PTPRB: variants seen among roughly 807,000 people sequenced by gnomAD.
PTPRB encodes the protein receptor-type tyrosine-protein phosphatase beta.
A neutral mutation model predicts 238.1 loss-of-function variants in PTPRB; 97 were observed. That is an observed-to-expected ratio of 0.41 (90% CI 0.35 to 0.48). The LOEUF is 0.48. Ranked by LOEUF, PTPRB falls within the 20% of genes least tolerant of loss-of-function variation. The pLI is 0.30. For synonymous variants in PTPRB, 970 were observed against 995.4 expected (o/e 0.97, Z 0.48); for missense variants, 2,292 against 2,681.9 (o/e 0.85, Z 3.21).
At chr12:70,630,735 C>T (rs888791375) in intron 2 of PTPRB, among the ~76,000 whole-genome samples, 2 of 152,160 alleles carry the variant, frequency 1.3e-5, no homozygotes, top group African/African-American at 4.8e-5. Context: ...TCAGCAAAGT[C>T]TCAGGATACA....
rs193037431 is a variant in PTPRB, at chr12:70,551,051, G to T, written c.5387+1726C>A. On this transcript the variant is annotated intron_variant, in intron 21 of 33. Coordinates refer to ENST00000334414, the MANE Select transcript of PTPRB (RefSeq NM_001109754.4). Reference sequence around the variant, plus strand: ...GCTGGGATTACAGGCGTGCACCACCGTGCCTGGCCAACTTTTGTGTTTTTA... The same window carrying T: ...GCTGGGATTACAGGCGTGCACCACCTTGCCTGGCCAACTTTTGTGTTTTTA... Among the ~76,000 whole-genome samples the T allele has an allele frequency of 2.7e-3, 406 of 152,002 alleles. 2 individuals carry two copies. The highest frequency in any genetic ancestry group is 9.2e-3 in the African/African-American group (380 of 41,468).
chr12:70,592,835 T>C (rs1302573171), intron 6 of PTPRB, among the ~76,000 whole-genome samples: 2 of 152,240 alleles, frequency 1.3e-5, no homozygotes, highest in Non-Finnish European at 2.9e-5. Flanking sequence ...ACTGGGCCAT[T>C]AGTCAGCTGG....
intron 4 of PTPRB, among the ~76,000 whole-genome samples, chr12:70,605,233 CT>C (rs1427028164): frequency 4.6e-5 from 7 of 152,180 alleles, no homozygotes; most frequent in African/African-American, 1.7e-4. Context: ...TCCCTGGGCT[CT>C]GTAATCTACC....
chr12:70,612,955 C>A (rs1884524747), intron 3 of PTPRB, among the ~76,000 whole-genome samples: 1 of 152,068 alleles, frequency 6.6e-6, no homozygotes, highest in Non-Finnish European at 1.5e-5. Flanking sequence ...CCACTGCACT[C>A]CAGCCTCGGC....
At chr12:70,601,008 C>T (rs985217897) in intron 4 of PTPRB, among the ~76,000 whole-genome samples, 25 of 152,098 alleles carry the variant, frequency 1.6e-4, no homozygotes, top group Non-Finnish European at 1.2e-4. Flanking sequence ...GCTGGGATTA[C>T]AGGCGCCTGC....
chr12:70,611,283 CTATT>C lies in PTPRB; in HGVS notation c.709-1948_709-1945del, dbSNP rs555158055. Among the ~76,000 whole-genome samples, 26 of 152,076 alleles carry C rather than the reference CTATT, an allele frequency of 1.7e-4. 1 individual carries two copies. In the East Asian group the frequency reaches 4.1e-3, roughly 24 times the overall value. On this transcript the variant is annotated intron_variant, in intron 3 of 33. Coordinates refer to ENST00000334414, the MANE Select transcript of PTPRB (RefSeq NM_001109754.4). The stretch of plus-strand genomic sequence containing the variant: ...GAAAAAAGTGAAAATTGTTTCAATT[CTATT>C]TATTTATTTATTTATTTTTGAGTCA...
Position 70,631,001 on chromosome 12 carries a change from G to A in PTPRB, c.451+4670C>T, listed in dbSNP as rs372532511. Among the ~76,000 whole-genome samples the A allele has an allele frequency of 1.8e-4, 27 of 152,234 alleles. No homozygotes were observed. The East Asian group carries it at 4.6e-3, about 26-fold the overall frequency. Reference sequence around the variant, plus strand: ...TCAATATCGTGAAAATGGCCATACTGCCCAAGGTAATTTATAGATTCAATG... The same window carrying A: ...TCAATATCGTGAAAATGGCCATACTACCCAAGGTAATTTATAGATTCAATG... On this transcript the variant is annotated intron_variant, in intron 2 of 33. Coordinates refer to ENST00000334414, the MANE Select transcript of PTPRB (RefSeq NM_001109754.4).
intron 6 of PTPRB, among the ~76,000 whole-genome samples, chr12:70,594,217 A>G (rs545362434): frequency 1.3e-5 from 2 of 152,342 alleles, no homozygotes; most frequent in South Asian, 4.1e-4. Flanking sequence ...TATTAAAAAG[A>G]GAAGAAGAGA....
At chr12:70,552,483 C>CAAAAAA (rs60295837) in intron 21 of PTPRB, among the ~76,000 whole-genome samples, 26 of 122,336 alleles carry the variant, frequency 2.1e-4, no homozygotes, top group African/African-American at 9.1e-4. Context: ...GACTCTGTCT[C>CAAAAAA]AAAAAAAAAA....
chr12:70,536,112 A>G lies in PTPRB; in HGVS notation c.5994T>C (p.Pro1998=). 6.2e-7 allele frequency: 1 copy of G among 1,613,934 alleles called. No individual in the cohort carries two copies. Among genetic ancestry groups the G allele is most frequent in the Non-Finnish European group, 8.5e-7 (1 of 1,179,854 alleles). The change falls in exon 29 of 34, where the codon CCT becomes CCC. Residue 1998 remains proline (P), a synonymous_variant. Transcript: ENST00000334414. ...TTTTCCAGAAGTCATCCTTGGTGCCAGGAAGCGGTCCCTGAGTGACAATGT... is the reference window on the plus strand; with the variant it reads ...TTTTCCAGAAGTCATCCTTGGTGCCGGGAAGCGGTCCCTGAGTGACAATGT... ...REYIVTQGPL[P]GTKDDFWKMV... is the part of the protein sequence containing the mutation.
At chr12:70,550,287 G>C (rs563992376) in intron 21 of PTPRB, among the ~76,000 whole-genome samples, 53 of 152,322 alleles carry the variant, frequency 3.5e-4, no homozygotes, top group African/African-American at 1.3e-3. Flanking sequence ...AAAGGCTCAG[G>C]CGTATAAAAG....
chr12:70,527,076 G>C (rs1437958178), intron 32 of PTPRB, among the ~76,000 whole-genome samples: 4 of 152,220 alleles, frequency 2.6e-5, no homozygotes, highest in Admixed American at 6.5e-5. Context: ...TTGTTAACTG[G>C]TGAAGGCTTG....
intron 7 of PTPRB, among the ~76,000 whole-genome samples, chr12:70,590,708 C>T (rs943619051): frequency 1.3e-5 from 2 of 149,950 alleles, no homozygotes; most frequent in Non-Finnish European, 3.0e-5. Context: ...CCATATCCTT[C>T]CAGTCTTAAC....
At chr12:70,580,958 A>C (rs1314111143) in intron 10 of PTPRB, 78 bp downstream of exon 10, 2 of 1,461,178 alleles carry the variant, frequency 1.4e-6, no homozygotes, top group Non-Finnish European at 1.8e-6. Flanking sequence ...ATTTTAGGAT[A>C]TTTCTATAAT....
At chr12:70,572,251 G>T (rs1172859200) in intron 11 of PTPRB, among the ~76,000 whole-genome samples, 164 bp from the exon 12 acceptor site, 1 of 152,176 alleles carries the variant, frequency 6.6e-6, no homozygotes, top group African/African-American at 2.4e-5. Context: ...GGGAAAGATT[G>T]TTACACTATG....
At chr12:70,573,837 T>C (rs563441064) in intron 11 of PTPRB, among the ~76,000 whole-genome samples, 2 of 152,276 alleles carry the variant, frequency 1.3e-5, no homozygotes, top group Non-Finnish European at 2.9e-5. Flanking sequence ...TGAGGTTCTT[T>C]CTAATATATG....
In PTPRB at chr12:70,517,277, A is replaced by G. The variant is rs1472290883; in HGVS notation, c.*4212T>C. 6.6e-6 allele frequency: 1 copy of G among 152,250 alleles called. No individual in the cohort carries two copies. The allele number at this position is 152,250 out of a possible 1,614,324, so 9.4% of individuals were successfully genotyped here. On this transcript the variant is annotated 3_prime_UTR_variant, in exon 34 of 34. Transcript: ENST00000334414. Reference sequence around the variant, plus strand: ...CCTCAAAAGGGCAACATGTCCTAATAGAAACGTGTGACAGGATTGTCCAAG... The same window carrying G: ...CCTCAAAAGGGCAACATGTCCTAATGGAAACGTGTGACAGGATTGTCCAAG...
Position 70,517,961 on chromosome 12 carries a change from T to C in PTPRB, c.*3528A>G, listed in dbSNP as rs1871317953. On this transcript the variant is annotated 3_prime_UTR_variant, in exon 34 of 34. Coordinates refer to ENST00000334414, the MANE Select transcript of PTPRB (RefSeq NM_001109754.4). ...AAACAGCAAGGCAAGAGAATCAGCA[T>C]GTGAAGGGTAGCATGTGAGGTCTAT... is the stretch of plus-strand genomic sequence containing the variant. 6.6e-6 allele frequency: 1 copy of C among 152,208 alleles called. No individual in the cohort carries two copies. Among genetic ancestry groups the C allele is most frequent in the Admixed American group, 6.5e-5 (1 of 15,270 alleles). 9.4% of individuals were successfully genotyped at this position (152,208 alleles called of 1,614,324 possible).
chr12:70,581,180 C>T lies in PTPRB; in HGVS notation c.2434G>A (p.Val812Met), dbSNP rs1467769868. Reference sequence around the variant, plus strand: ...GAGATGCTTTCATTTTTAATGACCACATTTTCATGGATCAGTAAGACTTGG... The same window carrying T: ...GAGATGCTTTCATTTTTAATGACCATATTTTCATGGATCAGTAAGACTTGG... The part of the protein sequence containing the change: ...FYQVLLIHEN[V>M]VIKNESISSE... The change falls in exon 10 of 34, where the codon GTG becomes ATG. Residue 812 changes from valine to methionine, a missense_variant. Around this residue, in one of 4 missense-constraint regions of PTPRB, gnomAD observed 1,205 missense variants for 1,287.8 expected, o/e 0.94. Transcript: ENST00000334414. 6 of 1,613,894 alleles carry T rather than the reference C, an allele frequency of 3.7e-6. No individual in the cohort carries two copies. Among genetic ancestry groups the T allele is most frequent in the Non-Finnish European group, 4.2e-6 (5 of 1,179,910 alleles).
Sources: gnomAD v4.1 joint callset for allele counts (sites outside exome capture counted in the v4.1 genomes callset) on GRCh38, gnomAD v4.1.1 for gene constraint, gnomAD v4.1.1 regional missense constraint, MANE v1.5 for transcripts, NCBI Gene and HGNC (gene_info 2026-07-23, HGNC 2026-07-21) for gene names.